PPP1R12A: variants seen among roughly 807,000 people sequenced by gnomAD.
The protein encoded by PPP1R12A is myosin binding subunit.
A neutral mutation model predicts 139.6 loss-of-function variants in PPP1R12A; 19 were observed. That is an observed-to-expected ratio of 0.14 (90% CI 0.09 to 0.20). The LOEUF is 0.20. PPP1R12A is among the 10% of genes least tolerant of loss of function. The pLI, the probability that PPP1R12A is intolerant of heterozygous loss-of-function variation, is 1.00. For missense variants in PPP1R12A, 925 were observed against 1,211.5 expected, an observed-to-expected ratio of 0.76 and a Z score of 3.51; for synonymous variants, 427 against 420.6, an observed-to-expected ratio of 1.02 and a Z score of -0.19.
rs754225298 is a variant in PPP1R12A, at chr12:79,934,892, G to A, written c.40C>T (p.Leu14=). 5 of 1,608,122 alleles carry A rather than the reference G, an allele frequency of 3.1e-6. No homozygotes were observed. Among genetic ancestry groups the A allele is most frequent in the Admixed American group, 3.4e-5 (2 of 59,390 alleles). ...ADAKQKRNEQ[L]KRWIGSETDL... Reference sequence around the variant, plus strand: ...GTCTCGGAGCCGATCCAGCGTTTCAGCTGCTCGTTCCGCTTCTGCTTCGCG... The same window carrying A: ...GTCTCGGAGCCGATCCAGCGTTTCAACTGCTCGTTCCGCTTCTGCTTCGCG... The change falls in exon 1 of 25, where the codon CTG becomes TTG. Residue 14 remains leucine (L), a synonymous_variant. Transcript: ENST00000450142.
At chr12:79,844,423 ATCT>A (rs1879144876) in intron 3 of PPP1R12A, among the ~76,000 whole-genome samples, 1 of 152,154 alleles carries the variant, frequency 6.6e-6, no homozygotes, top group African/African-American at 2.4e-5. Context: ...AAATCTTAGA[ATCT>A]TCTTTTTTTC....
At chr12:79,899,188 C>A (rs1227635542) in intron 1 of PPP1R12A, among the ~76,000 whole-genome samples, 1 of 148,716 alleles carries the variant, frequency 6.7e-6, no homozygotes, top group Non-Finnish European at 1.5e-5. Flanking sequence ...ATTTCATTTT[C>A]TTTTGATGCA....
intron 1 of PPP1R12A, among the ~76,000 whole-genome samples, chr12:79,885,188 A>T (rs1883992256): frequency 6.6e-6 from 1 of 152,068 alleles, no homozygotes; most frequent in African/African-American, 2.4e-5. Flanking sequence ...CAGTTCTGCC[A>T]TTTACTGGTT....
chr12:79,833,683 A>G (rs998766972), intron 3 of PPP1R12A, among the ~76,000 whole-genome samples: 5 of 151,422 alleles, frequency 3.3e-5, no homozygotes, highest in African/African-American at 1.2e-4. Context: ...AAAAAAAAAA[A>G]AAAATTAGCC....
intron 20 of PPP1R12A, among the ~76,000 whole-genome samples, chr12:79,790,169 G>A (rs1871653719): frequency 5.9e-5 from 9 of 152,092 alleles, no homozygotes; most frequent in Admixed American, 5.9e-4. Flanking sequence ...TACATTTCTG[G>A]CCAAGTGTGG....
chr12:79,868,734 C>T (rs1882255092), intron 2 of PPP1R12A, among the ~76,000 whole-genome samples: 1 of 152,116 alleles, frequency 6.6e-6, no homozygotes, highest in Non-Finnish European at 1.5e-5. Context: ...CCTTTAGAGG[C>T]CGCTTCTCCA....
chr12:79,812,015 C>T (rs1290930073), intron 9 of PPP1R12A, among the ~76,000 whole-genome samples: 1 of 152,030 alleles, frequency 6.6e-6, no homozygotes, highest in African/African-American at 2.4e-5. Flanking sequence ...AGTGTGTGAC[C>T]CTCAGCTAAG....
chr12:79,803,984 T>C (rs546225395), intron 14 of PPP1R12A, among the ~76,000 whole-genome samples: 1 of 152,216 alleles, frequency 6.6e-6, no homozygotes, highest in East Asian at 1.9e-4. Context: ...GTTTTGTCAC[T>C]GGAGAAATTT....
chr12:79,861,446 T>C (rs1008476810), intron 2 of PPP1R12A, among the ~76,000 whole-genome samples: 5 of 152,130 alleles, frequency 3.3e-5, no homozygotes, highest in African/African-American at 1.2e-4. Context: ...CTGCTTCATC[T>C]CATTGGGACT....
Position 79,828,475 on chromosome 12 carries a change from T to C in PPP1R12A, c.648-11A>G, listed in dbSNP as rs1476648684. The stretch of plus-strand genomic sequence containing the variant: ...GCCTGTATTAAAAGTCTAAAGAAAT[T>C]ACAGTGAATTAGACAATCATTAAAA... On this transcript the variant is annotated splice_polypyrimidine_tract_variant and intron_variant, in intron 4 of 24. Coordinates refer to ENST00000450142, the MANE Select transcript of PPP1R12A (RefSeq NM_002480.3). 7 of 1,569,252 alleles carry C rather than the reference T, an allele frequency of 4.5e-6. No individual in the cohort carries two copies. The highest frequency in any genetic ancestry group is 6.1e-6 in the Non-Finnish European group (7 of 1,147,076).
intron 1 of PPP1R12A, among the ~76,000 whole-genome samples, chr12:79,908,925 G>A (rs979799338): frequency 6.6e-5 from 10 of 152,312 alleles, no homozygotes; most frequent in Non-Finnish European, 1.0e-4. Context: ...TACCCTGGAT[G>A]CATCCAGGAA....
chr12:79,922,288 A>G (rs897693467), intron 1 of PPP1R12A, among the ~76,000 whole-genome samples: 3 of 152,168 alleles, frequency 2.0e-5, no homozygotes, highest in African/African-American at 7.2e-5. Context: ...AACAATAAAT[A>G]AAACAAAAAT....
intron 1 of PPP1R12A, among the ~76,000 whole-genome samples, chr12:79,931,833 G>T (rs773839198): frequency 6.6e-6 from 1 of 152,120 alleles, no homozygotes; most frequent in Non-Finnish European, 1.5e-5. Flanking sequence ...TGGAGACTAA[G>T]ATAGGAAATT....
Position 79,797,299 on chromosome 12 carries a change from CTT to C in PPP1R12A, c.2186_2187del (p.Lys729ArgfsTer8). The C allele has an allele frequency of 6.3e-7, 1 of 1,589,952 alleles. No individual in the cohort carries two copies. Among genetic ancestry groups the C allele is most frequent in the Non-Finnish European group, 8.6e-7 (1 of 1,166,500 alleles). Reference sequence around the variant, plus strand: ...TCTTTATCTTGTTTCTCTTTTTCCTCTTTTTCTTTTTCTTCATTTTCTTGTTC... The same window carrying C: ...TCTTTATCTTGTTTCTCTTTTTCCTCTTTCTTTTTCTTCATTTTCTTGTTC... ...TREQENEEKE[K>X]EEKEKQDKEK... On this transcript the variant is annotated frameshift_variant, in exon 16 of 25. Transcript: ENST00000450142. LOFTEE classifies it high-confidence loss of function.
intron 3 of PPP1R12A, among the ~76,000 whole-genome samples, chr12:79,838,696 TTCC>T (rs1382987529): frequency 6.6e-6 from 1 of 152,224 alleles, no homozygotes; most frequent in Non-Finnish European, 1.5e-5. Context: ...CCTTTGTGGC[TTCC>T]ATGTGGTGTT....
intron 1 of PPP1R12A, among the ~76,000 whole-genome samples, chr12:79,885,430 T>C (rs546072032): frequency 6.6e-5 from 10 of 152,344 alleles, no homozygotes; most frequent in African/African-American, 2.2e-4. Context: ...AATGCATTTT[T>C]ATCCCACTAT....
At chr12:79,846,045 T>C (rs553586992) in intron 2 of PPP1R12A, among the ~76,000 whole-genome samples, 4 of 152,214 alleles carry the variant, frequency 2.6e-5, no homozygotes, top group South Asian at 4.1e-4. Context: ...GGTTCATGGG[T>C]AAAATTCAGA....
In PPP1R12A at chr12:79,905,334, T is replaced by TTGC. The variant is rs1886001133; in HGVS notation, c.237+29358_237+29360dup. 5.7e-5 allele frequency among the ~76,000 whole-genome samples: 3 copies of TTGC among 52,490 alleles called. No individual in the cohort carries two copies. In the Admixed American group the frequency reaches 8.6e-4, roughly 15 times the overall value. 34.4% of individuals were successfully genotyped at this position (52,490 alleles called of 152,430 possible). On this transcript the variant is annotated intron_variant, in intron 1 of 24. Coordinates refer to ENST00000450142, the MANE Select transcript of PPP1R12A (RefSeq NM_002480.3). ...ATATCCTATTCTAGAATGTTTTGTT[T>TTGC]TGCCGCCCCCCCCCACCCCTTTTTT...
At chr12:79,835,661 T>G (rs1322492603) in intron 3 of PPP1R12A, among the ~76,000 whole-genome samples, 1 of 152,202 alleles carries the variant, frequency 6.6e-6, no homozygotes, top group East Asian at 1.9e-4. Flanking sequence ...ATGATGTCAT[T>G]GCTTTATATA....
Sources: gnomAD v4.1 joint callset for allele counts (sites outside exome capture counted in the v4.1 genomes callset) on GRCh38, gnomAD v4.1.1 for gene constraint, MANE v1.5 for transcripts, NCBI Gene and HGNC (gene_info 2026-07-23, HGNC 2026-07-21) for gene names.